SMPD4: variants seen among roughly 807,000 people sequenced by gnomAD.
SMPD4 encodes the protein sphingomyelin phosphodiesterase 4.
In SMPD4, 58 loss-of-function variants were observed where a neutral mutation model predicts 97.8. The ratio of observed to expected loss-of-function variants is 0.59; its 90% CI spans 0.48 to 0.74. The LOEUF is 0.74. Among genes scored for constraint, SMPD4 ranks in the 30% least tolerant of loss-of-function variants. The pLI is 0.00. For missense variants in SMPD4, 853 were observed against 1,080.5 expected (o/e 0.79, Z 2.95); for synonymous variants, 388 against 450.0 (o/e 0.86, Z 1.74).
intron 1 of SMPD4, among the ~76,000 whole-genome samples, chr2:130,180,988 T>C (rs933927677): frequency 6.6e-6 from 1 of 152,140 alleles, no homozygotes; most frequent in Non-Finnish European, 1.5e-5. Flanking sequence ...CGTTTGTTTT[T>C]TGTTTTGTTT....
At chr2:130,160,439 C>T (rs1482440572) in intron 11 of SMPD4, among the ~76,000 whole-genome samples, 2 of 152,238 alleles carry the variant, frequency 1.3e-5, no homozygotes, top group Admixed American at 1.3e-4. Flanking sequence ...CTCACAGATT[C>T]CTCTGTCATC....
chr2:130,164,141 G>C (rs1687692843), intron 10 of SMPD4, among the ~76,000 whole-genome samples: 1 of 152,198 alleles, frequency 6.6e-6, no homozygotes, highest in African/African-American at 2.4e-5. Flanking sequence ...GGGCCCCGGA[G>C]AGGCCAGACT....
chr2:130,152,827 G>C lies in SMPD4; in HGVS notation c.2212C>G (p.Arg738Gly). 1.2e-6 allele frequency: 2 copies of C among 1,602,780 alleles called. No individual in the cohort carries two copies. The highest frequency in any genetic ancestry group is 1.7e-6 in the Non-Finnish European group (2 of 1,173,070). ...AGCCCAGGTTCTGTGAGGTGGTAGCGACAGAAGCTGCCGAGGAAGTCATCC... is the reference window on the plus strand; with the variant it reads ...AGCCCAGGTTCTGTGAGGTGGTAGCCACAGAAGCTGCCGAGGAAGTCATCC... The part of the protein sequence containing the change: ...SRDDFLGSFC[R>G]YHLTEPGLAS... The change falls in exon 20 of 20, where the codon CGC becomes GGC. Residue 738 changes from arginine (R) to glycine (G), a missense_variant. Coordinates refer to ENST00000680298, the MANE Select transcript of SMPD4 (RefSeq NM_017951.5).
chr2:130,156,873 C>A, intron 12 of SMPD4, 198 bp from the exon 13 acceptor site: 1 of 1,453,796 alleles, frequency 6.9e-7, no homozygotes, highest in Non-Finnish European at 9.4e-7. Flanking sequence ...ACACACAGCA[C>A]GCAGGCGGCC....
chr2:130,179,504 A>G (rs2104931937), intron 1 of SMPD4, among the ~76,000 whole-genome samples: 1 of 152,122 alleles, frequency 6.6e-6, no homozygotes, highest in Admixed American at 6.5e-5. Context: ...CTCGTGCCTC[A>G]GCCTCCCGAG....
rs755218936 is a variant in SMPD4, at chr2:130,176,686, C to A, written c.-45-49G>T. ...CTCAACATCTGTAACACAGCAGAAT[C>A]TTTTTATATTATTTTTTTAGAGACA... On this transcript the variant is annotated intron_variant, in intron 1 of 19. Coordinates refer to ENST00000680298, the MANE Select transcript of SMPD4 (RefSeq NM_017951.5). 7 of 1,455,636 alleles carry A rather than the reference C, an allele frequency of 4.8e-6. No individual in the cohort carries two copies. The East Asian group carries it at 1.4e-4, about 28-fold the overall frequency. 90.2% of individuals were successfully genotyped at this position (1,455,636 alleles called of 1,614,324 possible). A position where few individuals can be genotyped will look rare whatever the true frequency, so the allele number is the denominator to read the frequency against.
chr2:130,178,134 C>T (rs1689149273), intron 1 of SMPD4, among the ~76,000 whole-genome samples: 3 of 149,230 alleles, frequency 2.0e-5, no homozygotes, highest in African/African-American at 7.4e-5. Context: ...AGCAAAGCTA[C>T]CAACACCTTG....
rs375396456 is a variant in SMPD4 at position 130,153,062 on chromosome 2, G to A, written c.2135C>T (p.Ser712Leu). The change falls in exon 19 of 20, where the codon TCG (serine) becomes TTG (leucine). Residue 712 changes from serine (S) to leucine (L), a missense_variant. By Grantham distance (145) the Ser-to-Leu change is moderately radical. This residue lies in a region of SMPD4 where 511 missense variants were observed against 608.1 expected (regional missense o/e 0.84). Transcript: ENST00000680298. ...ACTCACTCTGTGGTTGATGGCAGACGACAGCCTAAAGAGTGTGCGGACCAA... is the reference window on the plus strand; with the variant it reads ...ACTCACTCTGTGGTTGATGGCAGACAACAGCCTAAAGAGTGTGCGGACCAA... ...ASLVRTLFRL[S>L]SAINHRFAGQ... is the part of the protein sequence containing the mutation. 9.3e-6 allele frequency: 15 copies of A among 1,611,842 alleles called. No individual in the cohort carries two copies. The highest frequency in any genetic ancestry group is 2.2e-5 in the South Asian group (2 of 90,994).
At chr2:130,181,320 C>T in intron 1 of SMPD4, 1 of 1,426,036 alleles carries the variant, frequency 7.0e-7, no homozygotes, top group East Asian at 2.5e-5. Context: ...GTGTACGAGC[C>T]GCGCGGGAAG....
chr2:130,181,417 G>C (rs1202918761), intron 1 of SMPD4, 113 bp downstream of exon 1: 20 of 1,496,622 alleles, frequency 1.3e-5, no homozygotes, highest in Non-Finnish European at 1.7e-5. Context: ...GGCAGAGCCG[G>C]CTGGCCGGCC....
upstream of SMPD4, chr2:130,181,736 C>T (rs1689665817): frequency 2.6e-6 from 4 of 1,548,392 alleles, no homozygotes; most frequent in African/African-American, 1.4e-5. Flanking sequence ...GGCAGGAGTG[C>T]GGGGGAGGGA....
intron 11 of SMPD4, among the ~76,000 whole-genome samples, chr2:130,158,506 G>A (rs1006000314): frequency 6.6e-6 from 1 of 152,080 alleles, no homozygotes; most frequent in African/African-American, 2.4e-5. Context: ...ATAGAGATGG[G>A]GTTTCACCAT....
chr2:130,180,797 G>A (rs1286639639), intron 1 of SMPD4, among the ~76,000 whole-genome samples: 1 of 152,126 alleles, frequency 6.6e-6, no homozygotes, highest in African/African-American at 2.4e-5. Context: ...GGAATTTCTA[G>A]GAAATTTCCA....
chr2:130,178,524 A>C (rs1034989945), intron 1 of SMPD4, among the ~76,000 whole-genome samples: 3 of 152,164 alleles, frequency 2.0e-5, no homozygotes, highest in African/African-American at 7.2e-5. Flanking sequence ...GCCGGGCACC[A>C]TGGCTCACAC....
At chr2:130,156,892 A>G (rs560302516) in intron 12 of SMPD4, 8 of 1,307,514 alleles carry the variant, frequency 6.1e-6, no homozygotes, top group East Asian at 2.6e-5. Flanking sequence ...CCGAGTCAGC[A>G]CAACTCCTGC....
At chr2:130,153,479 G>A in intron 17 of SMPD4, 29 bp from the exon 18 acceptor site, 1 of 1,611,892 alleles carries the variant, frequency 6.2e-7, no homozygotes. Context: ...ACTGCCCTCA[G>A]CATCAAGATG....
chr2:130,157,256 GAAC>G lies in SMPD4; in HGVS notation c.1089_1091del (p.Glu363_Phe364delinsAsp), dbSNP rs1339901913. 1 of 1,543,654 alleles carries G rather than the reference GAAC, an allele frequency of 6.5e-7. No homozygotes were observed. Among genetic ancestry groups the G allele is most frequent in the Non-Finnish European group, 8.7e-7 (1 of 1,143,000 alleles). On this transcript the variant is annotated inframe_deletion, in exon 12 of 20. Coordinates refer to ENST00000680298, the MANE Select transcript of SMPD4 (RefSeq NM_017951.5). ...AAGCCGCAAGGGCCACCCACCGTTT[GAAC>G]TCCTCCAGGGGGCTGGTGGCGTGGG...
chr2:130,157,223 G>A (rs1345886673), intron 12 of SMPD4, 28 bp downstream of exon 12: 1 of 1,550,142 alleles, frequency 6.5e-7, no homozygotes, highest in Non-Finnish European at 8.7e-7. Flanking sequence ...GGAGACGGCA[G>A]TGGTGGGAAG....
intron 16 of SMPD4, 101 bp from the exon 17 acceptor site, chr2:130,154,036 G>A (rs1045120462): frequency 7.3e-5 from 89 of 1,221,112 alleles, no homozygotes; most frequent in East Asian, 3.8e-4. Flanking sequence ...GCGTCAGGAG[G>A]AGTGGCTTCT....
Sources: allele counts gnomAD v4.1 joint callset (sites outside exome capture counted in the v4.1 genomes callset), GRCh38; gene constraint gnomAD v4.1.1; regional missense constraint gnomAD v4.1.1; transcripts MANE v1.5; gene names NCBI Gene and HGNC (gene_info 2026-07-23, HGNC 2026-07-21).